CLCN5: variants seen among roughly 807,000 people sequenced by gnomAD.
CLCN5 encodes H(+)/Cl(-) exchange transporter 5.
Under a neutral mutation model 54.0 loss-of-function variants are expected in CLCN5, and 17 were observed. The ratio of observed to expected loss-of-function variants is 0.31; its 90% CI spans 0.22 to 0.47. The LOEUF is 0.47. CLCN5 is among the 20% of genes least tolerant of loss of function. The pLI is 1.00. For missense variants in CLCN5, 448 were observed against 646.7 expected, an observed-to-expected ratio of 0.69 and a Z score of 3.33; for synonymous variants, 222 against 233.0, an observed-to-expected ratio of 0.95 and a Z score of 0.43.
In CLCN5 at chrX:50,019,354, A is replaced by G. The variant is rs782786822; in HGVS notation, c.17-22962A>G. Among the ~76,000 whole-genome samples the G allele has an allele frequency of 6.3e-5, 7 of 110,342 alleles. No individual in the cohort carries two copies. The South Asian group carries it at 2.7e-3, about 43-fold the overall frequency. On this transcript the variant is annotated intron_variant, in intron 3 of 14. Coordinates refer to ENST00000376091, the MANE Select transcript of CLCN5 (RefSeq NM_001127898.4). ...AATTATACATATTTGTGGGGTACAC[A>G]GTGACATTTTAATACATACAATGTA...
chrX:50,092,624 CTG>C lies in CLCN5; in HGVS notation c.*407_*408del. On this transcript the variant is annotated 3_prime_UTR_variant, in exon 15 of 15. Transcript: ENST00000376091. The stretch of plus-strand genomic sequence containing the variant: ...AAAAAGTCACTCTTTTGGGATCTAA[CTG>C]TTGTTACTGGAAGACGAAGTGTAAA... 1 of 138,316 alleles carries C rather than the reference CTG, an allele frequency of 7.2e-6. No homozygotes were observed. Among genetic ancestry groups the C allele is most frequent in the East Asian group, 1.9e-4 (1 of 5,373 alleles). The allele number at this position is 138,316 out of a possible 1,213,427, so 11.4% of individuals were successfully genotyped here.
At chrX:49,966,605 TTTTTTTA>T (rs1927886492) in intron 3 of CLCN5, among the ~76,000 whole-genome samples, 1 of 19,654 alleles carries the variant, frequency 5.1e-5, no homozygotes, top group Admixed American at 7.7e-4. Flanking sequence ...TTTTTTTTTT[TTTTTTTA>T]TTTTTTTATT....
intron 4 of CLCN5, among the ~76,000 whole-genome samples, chrX:50,059,789 G>T (rs1387157533): frequency 9.2e-6 from 1 of 108,684 alleles, no homozygotes; most frequent in Non-Finnish European, 1.9e-5. Context: ...TCCCTTCCTT[G>T]GAAGTGCTGA....
chrX:50,008,267 T>G (rs1557181813), intron 3 of CLCN5, among the ~76,000 whole-genome samples: 1 of 112,597 alleles, frequency 8.9e-6, no homozygotes, highest in Non-Finnish European at 1.9e-5. Flanking sequence ...TTTATACTTT[T>G]TTGTTGTTAC....
intron 3 of CLCN5, among the ~76,000 whole-genome samples, chrX:50,007,439 G>GTC (rs1930248391): frequency 1.4e-4 from 6 of 41,577 alleles, no homozygotes; most frequent in Non-Finnish European, 2.8e-4. Flanking sequence ...CTCTCTCTCT[G>GTC]TCACACACAC....
rs1273033896 is a variant in CLCN5 at position 50,063,325 on chromosome X, A to T, written c.164-6554A>T. Among the ~76,000 whole-genome samples the T allele has an allele frequency of 1.2e-4, 12 of 99,122 alleles. No homozygotes were observed. The East Asian group carries it at 1.2e-3, about 10-fold the overall frequency. The allele number at this position is 99,122 out of a possible 115,157, so 86.1% of individuals were successfully genotyped here. The stretch of plus-strand genomic sequence containing the variant: ...GACACAATAAAAAATGATAAAGGGG[A>T]TATCACCACTGATCCCACAGAAATA... On this transcript the variant is annotated intron_variant, in intron 4 of 14. Transcript: ENST00000376091.
intron 3 of CLCN5, among the ~76,000 whole-genome samples, chrX:49,943,619 A>G (rs1230014914): frequency 2.1e-3 from 230 of 109,296 alleles, no homozygotes; most frequent in Non-Finnish European, 3.3e-3. Context: ...CTTTCTACAT[A>G]TGGCTAGCCA....
At chrX:49,949,962 C>A (rs144670324) in intron 3 of CLCN5, among the ~76,000 whole-genome samples, 1,366 of 111,834 alleles carry the variant, frequency 0.012, 16 homozygotes, top group African/African-American at 0.041. Flanking sequence ...CAAGAATATT[C>A]AATGTTACCA....
chrX:49,984,595 CTTCTT>C (rs1196665068), intron 3 of CLCN5, among the ~76,000 whole-genome samples: 3 of 108,661 alleles, frequency 2.8e-5, no homozygotes, highest in Admixed American at 9.9e-5. Context: ...CGTTCCTTCT[CTTCTT>C]TTCTTTTTTG....
intron 3 of CLCN5, among the ~76,000 whole-genome samples, chrX:50,033,641 C>G (rs1357830751): frequency 9.0e-6 from 1 of 111,242 alleles, no homozygotes; most frequent in African/African-American, 3.3e-5. Flanking sequence ...CTACCAATGA[C>G]TTTCTTCACA....
intron 3 of CLCN5, among the ~76,000 whole-genome samples, chrX:49,984,909 G>A (rs1415813479): frequency 9.1e-6 from 1 of 110,199 alleles, no homozygotes; most frequent in African/African-American, 3.3e-5. Flanking sequence ...GAGCCACCGT[G>A]CCTGGCAATA....
intron 3 of CLCN5, among the ~76,000 whole-genome samples, chrX:49,966,614 TTTTTTA>T (rs2147315301): frequency 6.7e-5 from 2 of 29,879 alleles, no homozygotes; most frequent in Non-Finnish European, 1.0e-4. Context: ...TTTTTTTTAT[TTTTTTA>T]TTTTTTTTAT....
At chrX:50,053,881 C>G (rs1932664544) in intron 4 of CLCN5, among the ~76,000 whole-genome samples, 1 of 110,501 alleles carries the variant, frequency 9.0e-6, no homozygotes, top group Non-Finnish European at 1.9e-5. Flanking sequence ...TTACAGCAAA[C>G]TGGCTAGGAC....
intron 3 of CLCN5, among the ~76,000 whole-genome samples, chrX:49,932,623 G>GT (rs782475432): frequency 1.8e-5 from 2 of 111,243 alleles, no homozygotes; most frequent in East Asian, 2.8e-4. Context: ...GTTAGAACAG[G>GT]TTTTTTGCTA....
intron 4 of CLCN5, among the ~76,000 whole-genome samples, chrX:50,059,277 T>A (rs1476879345): frequency 8.9e-6 from 1 of 111,882 alleles, no homozygotes; most frequent in Non-Finnish European, 1.9e-5. Context: ...ATATTGTTTT[T>A]CTTATTCTAA....
chrX:49,983,537 A>G (rs1487663744), intron 3 of CLCN5, among the ~76,000 whole-genome samples: 1 of 109,873 alleles, frequency 9.1e-6, no homozygotes, highest in East Asian at 2.8e-4. Flanking sequence ...GGATTCAGCA[A>G]GTGTCCAGGT....
chrX:49,956,495 G>C (rs1374050872), intron 3 of CLCN5, among the ~76,000 whole-genome samples: 1 of 112,234 alleles, frequency 8.9e-6, no homozygotes, highest in Non-Finnish European at 1.9e-5. Context: ...TGCTTTTGCT[G>C]TTGTTATTCC....
intron 3 of CLCN5, among the ~76,000 whole-genome samples, chrX:49,991,317 T>A (rs1490911615): frequency 3.6e-5 from 4 of 112,439 alleles, no homozygotes; most frequent in Non-Finnish European, 7.5e-5. Flanking sequence ...GTGGTGAGCA[T>A]TTTTTCATAT....
intron 3 of CLCN5, among the ~76,000 whole-genome samples, chrX:49,953,544 C>T (rs782323329): frequency 1.8e-5 from 2 of 110,687 alleles, no homozygotes; most frequent in African/African-American, 3.3e-5. Context: ...GAACTTAAGC[C>T]GTCTTCCTGC....
Sources: allele counts gnomAD v4.1 joint callset (sites outside exome capture counted in the v4.1 genomes callset), GRCh38; gene constraint gnomAD v4.1.1; transcripts MANE v1.5; gene names NCBI Gene and HGNC (gene_info 2026-07-23, HGNC 2026-07-21).